The following LIMS1 variants were observed in gnomAD, a reference collection of about 807,000 sequenced individuals.
LIMS1 encodes the protein LIM and senescent cell antigen-like-containing domain protein 1.
LIMS1 carries 18 observed loss-of-function variants against 44.1 expected under a neutral mutation model. That is an observed-to-expected ratio of 0.41 (90% CI 0.28 to 0.61). The LOEUF is 0.61. LIMS1 is among the 20% of genes least tolerant of loss of function. LIMS1 has a pLI of 0.32. For missense variants in LIMS1, 201 were observed against 422.0 expected (o/e 0.48, Z 4.59); for synonymous variants, 93 against 149.1 (o/e 0.62, Z 2.74).
chr2:108,533,703 G>A (rs1040486176), upstream of LIMS1: 17 of 152,598 alleles, frequency 1.1e-4, no homozygotes, highest in Admixed American at 6.5e-4. Flanking sequence ...GAGCCACTGC[G>A]CCGGCCCCAA....
intron 1 of LIMS1, among the ~76,000 whole-genome samples, chr2:108,574,735 C>T (rs895831506): frequency 6.6e-6 from 1 of 152,292 alleles, no homozygotes. Context: ...TCATCATTCC[C>T]GGTAAACCAG....
intron 1 of LIMS1, chr2:108,654,956 C>T (rs1347833201): frequency 2.2e-5 from 34 of 1,513,548 alleles, no homozygotes; most frequent in South Asian, 1.8e-4. Flanking sequence ...GCCAGGCTGA[C>T]GTGCGTGGGA....
intron 1 of LIMS1, among the ~76,000 whole-genome samples, chr2:108,564,747 G>A (rs1019938656): frequency 2.6e-5 from 4 of 152,004 alleles, no homozygotes; most frequent in Non-Finnish European, 5.9e-5. Context: ...TGGAAGGTAC[G>A]TAAGATTGCT....
chr2:108,577,869 C>T (rs1685728019), intron 1 of LIMS1, among the ~76,000 whole-genome samples: 1 of 152,118 alleles, frequency 6.6e-6, no homozygotes, highest in South Asian at 2.1e-4. Flanking sequence ...TACCGTGTGA[C>T]TGTTAAATGC....
intron 1 of LIMS1, among the ~76,000 whole-genome samples, chr2:108,618,740 G>T (rs1446784218): frequency 1.3e-5 from 2 of 150,430 alleles, no homozygotes; most frequent in Non-Finnish European, 3.0e-5. Context: ...CAGGGGAATC[G>T]CTTGAACTCG....
chr2:108,565,648 T>G (rs1281945128), intron 1 of LIMS1, among the ~76,000 whole-genome samples: 1 of 152,210 alleles, frequency 6.6e-6, no homozygotes, highest in Admixed American at 6.5e-5. Flanking sequence ...ATGGTCTGTT[T>G]TATATATTGT....
chr2:108,547,660 A>G (rs1001609890), intron 1 of LIMS1, among the ~76,000 whole-genome samples: 1 of 152,212 alleles, frequency 6.6e-6, no homozygotes, highest in Non-Finnish European at 1.5e-5. Flanking sequence ...TGTTATTCTA[A>G]TGGGAAGTTT....
chr2:108,591,041 G>A (rs563573971), intron 1 of LIMS1, among the ~76,000 whole-genome samples: 1 of 152,288 alleles, frequency 6.6e-6, no homozygotes, highest in Non-Finnish European at 1.5e-5. Flanking sequence ...TGGAGTATTG[G>A]TCTTGAGGGC....
At chr2:108,587,678 A>G (rs1686176656) in intron 1 of LIMS1, among the ~76,000 whole-genome samples, 1 of 152,202 alleles carries the variant, frequency 6.6e-6, no homozygotes, top group Non-Finnish European at 1.5e-5. Context: ...AGGCTGAATT[A>G]ATTGCTCTCA....
At chr2:108,667,653 A>G (rs901664436) in intron 2 of LIMS1, among the ~76,000 whole-genome samples, 10 of 150,528 alleles carry the variant, frequency 6.6e-5, no homozygotes, top group South Asian at 4.2e-4. Context: ...ATCATTTCTA[A>G]CTAATGGAGT....
chr2:108,684,604 T>C (rs755673210), exon 10 of LIMS1: 1 of 152,088 alleles, frequency 6.6e-6, no homozygotes, highest in Non-Finnish European at 1.5e-5. Flanking sequence ...TATAACCTGC[T>C]CTCCTTGTGA....
intron 1 of LIMS1, among the ~76,000 whole-genome samples, chr2:108,644,136 C>T (rs1250668199): frequency 6.6e-6 from 1 of 152,208 alleles, no homozygotes; most frequent in East Asian, 1.9e-4. Context: ...AGCAGATCTC[C>T]CAGCACAGCG....
chr2:108,594,209 G>A (rs1686548453), intron 1 of LIMS1, among the ~76,000 whole-genome samples: 1 of 152,162 alleles, frequency 6.6e-6, no homozygotes, highest in Non-Finnish European at 1.5e-5. Flanking sequence ...TGCTTAGAAA[G>A]TTCACCACAG....
At chr2:108,576,859 A>T (rs925409182) in intron 1 of LIMS1, among the ~76,000 whole-genome samples, 1 of 152,112 alleles carries the variant, frequency 6.6e-6, no homozygotes, top group African/African-American at 2.4e-5. Flanking sequence ...TAAATATCCT[A>T]AAAAGAGGTA....
chr2:108,614,431 T>C (rs1687825702), intron 1 of LIMS1, among the ~76,000 whole-genome samples: 1 of 152,194 alleles, frequency 6.6e-6, no homozygotes, highest in Non-Finnish European at 1.5e-5. Context: ...TAGAATCTCT[T>C]AGCTTGTATC....
chr2:108,626,549 TAG>T (rs1688587220), intron 1 of LIMS1, among the ~76,000 whole-genome samples: 1 of 152,190 alleles, frequency 6.6e-6, no homozygotes, highest in South Asian at 2.1e-4. Context: ...CCCCATATAA[TAG>T]AGAGGGGATT....
intron 1 of LIMS1, among the ~76,000 whole-genome samples, chr2:108,617,538 A>G (rs992876970): frequency 5.9e-5 from 9 of 152,248 alleles, no homozygotes; most frequent in African/African-American, 2.2e-4. Context: ...CTTCTCAAAC[A>G]TGACATTGTA....
intron 5 of LIMS1, among the ~76,000 whole-genome samples, chr2:108,674,613 C>A (rs1278432261): frequency 1.5e-5 from 2 of 134,164 alleles, no homozygotes; most frequent in Admixed American, 7.7e-5. Context: ...CCCAGCTACT[C>A]GGGAGGCTGA....
At chr2:108,611,116 G>A (rs992304280) in intron 1 of LIMS1, among the ~76,000 whole-genome samples, 3 of 152,180 alleles carry the variant, frequency 2.0e-5, no homozygotes, top group Admixed American at 2.0e-4. Context: ...GCAGTACACC[G>A]TTATGGTTTA....
Sources: allele counts gnomAD v4.1 joint callset (sites outside exome capture counted in the v4.1 genomes callset), GRCh38; gene constraint gnomAD v4.1.1; transcripts MANE v1.5; gene names NCBI Gene and HGNC (gene_info 2026-07-23, HGNC 2026-07-21).